PLXDC2: variants seen among roughly 807,000 people sequenced by gnomAD.
The protein encoded by PLXDC2 is plexin domain containing 2, also known as plexin domain-containing protein 2.
Under a neutral mutation model 68.9 loss-of-function variants are expected in PLXDC2, and 40 were observed. That is an observed-to-expected ratio of 0.58 (90% CI 0.45 to 0.76). The LOEUF (loss-of-function observed/expected upper bound fraction) is 0.76. Ranked by LOEUF, PLXDC2 falls within the 30% of genes least tolerant of loss-of-function variation. The pLI is 0.00. For missense variants in PLXDC2, 644 were observed against 661.9 expected (o/e 0.97, Z 0.30); for synonymous variants, 243 against 234.2 (o/e 1.04, Z -0.34).
At chr10:19,971,103 T>C (rs1264186357) in intron 1 of PLXDC2, among the ~76,000 whole-genome samples, 1 of 152,164 alleles carries the variant, frequency 6.6e-6, no homozygotes, top group Non-Finnish European at 1.5e-5. Flanking sequence ...TAATATAATA[T>C]ATGGTTAATT....
At chr10:19,849,042 C>T (rs143778587) in intron 1 of PLXDC2, among the ~76,000 whole-genome samples, 59 of 152,080 alleles carry the variant, frequency 3.9e-4, no homozygotes, top group African/African-American at 1.4e-3. Flanking sequence ...TTTTAAATTC[C>T]TTTATGACCC....
intron 1 of PLXDC2, among the ~76,000 whole-genome samples, chr10:19,891,818 A>G (rs1388052445): frequency 6.6e-6 from 1 of 152,246 alleles, no homozygotes; most frequent in African/African-American, 2.4e-5. Flanking sequence ...CAAATTCTCA[A>G]CAAAGCCAAA....
chr10:20,139,734 C>G (rs1047671465), intron 4 of PLXDC2, among the ~76,000 whole-genome samples: 1 of 151,880 alleles, frequency 6.6e-6, no homozygotes, highest in African/African-American at 2.4e-5. Flanking sequence ...AACCATCATT[C>G]TCAGCAAACT....
chr10:19,933,689 C>G (rs1339752778), intron 1 of PLXDC2, among the ~76,000 whole-genome samples: 1 of 151,786 alleles, frequency 6.6e-6, no homozygotes. Context: ...CGCGTGCACA[C>G]ACACACACAC....
At chr10:19,933,688 A>G (rs891190295) in intron 1 of PLXDC2, among the ~76,000 whole-genome samples, 1 of 151,976 alleles carries the variant, frequency 6.6e-6, no homozygotes, top group African/African-American at 2.4e-5. Context: ...ACGCGTGCAC[A>G]CACACACACA....
intron 3 of PLXDC2, among the ~76,000 whole-genome samples, chr10:20,059,368 T>TA (rs1281957906): frequency 6.6e-6 from 1 of 152,204 alleles, no homozygotes; most frequent in East Asian, 1.9e-4. Flanking sequence ...TGTAGTCATG[T>TA]GTTTGCTGGG....
chr10:20,194,321 T>C (rs2131841955), intron 9 of PLXDC2, among the ~76,000 whole-genome samples: 1 of 151,842 alleles, frequency 6.6e-6, no homozygotes, highest in South Asian at 2.1e-4. Flanking sequence ...ATAAAGTTTT[T>C]CCACTGAAAT....
intron 1 of PLXDC2, among the ~76,000 whole-genome samples, chr10:19,922,438 G>A (rs1046851310): frequency 6.6e-6 from 1 of 152,176 alleles, no homozygotes; most frequent in Admixed American, 6.5e-5. Context: ...TAAAGCACAG[G>A]TTCTGGGATC....
At chr10:19,949,381 T>G (rs963170887) in intron 1 of PLXDC2, among the ~76,000 whole-genome samples, 20 of 152,106 alleles carry the variant, frequency 1.3e-4, no homozygotes, top group Non-Finnish European at 5.9e-5. Context: ...TGCTCTGACA[T>G]GATCATTTTT....
intron 12 of PLXDC2, 131 bp from the exon 13 acceptor site, chr10:20,245,214 T>C (rs1588540131): frequency 1.1e-6 from 1 of 872,648 alleles, no homozygotes; most frequent in African/African-American, 1.7e-5. Context: ...GTAAAATTGA[T>C]GTTGCAGAAA....
chr10:19,820,782 A>G (rs879481589), intron 1 of PLXDC2, among the ~76,000 whole-genome samples: 30 of 151,616 alleles, frequency 2.0e-4, no homozygotes, highest in Middle Eastern at 3.2e-3. Flanking sequence ...TGGGATCTAA[A>G]GTCTTCAGCT....
intron 1 of PLXDC2, among the ~76,000 whole-genome samples, chr10:19,944,664 T>C (rs758455945): frequency 2.6e-5 from 4 of 152,040 alleles, no homozygotes; most frequent in Non-Finnish European, 5.9e-5. Context: ...AATAGAAGCA[T>C]TGGTGGCCGG....
intron 9 of PLXDC2, among the ~76,000 whole-genome samples, chr10:20,195,238 G>A (rs940200007): frequency 2.0e-5 from 3 of 152,040 alleles, no homozygotes; most frequent in Non-Finnish European, 4.4e-5. Context: ...AAGGGCTACC[G>A]CAGCCACTGA....
chr10:20,142,485 G>A (rs1183699704), intron 4 of PLXDC2, among the ~76,000 whole-genome samples: 1 of 152,050 alleles, frequency 6.6e-6, no homozygotes, highest in African/African-American at 2.4e-5. Context: ...AATTTGTCAT[G>A]GATAATCCAC....
At chr10:20,091,028 G>A (rs1248542982) in intron 4 of PLXDC2, among the ~76,000 whole-genome samples, 6 of 152,142 alleles carry the variant, frequency 3.9e-5, no homozygotes, top group Non-Finnish European at 7.3e-5. Flanking sequence ...CAGGATGAAT[G>A]TAGCTTTGTG....
At chr10:20,110,159 A>AG (rs1036012591) in intron 4 of PLXDC2, among the ~76,000 whole-genome samples, 1 of 152,206 alleles carries the variant, frequency 6.6e-6, no homozygotes, top group African/African-American at 2.4e-5. Context: ...GCTGGAGAGA[A>AG]GGTGAGATTT....
At chr10:20,064,450 G>A (rs1836165353) in intron 3 of PLXDC2, among the ~76,000 whole-genome samples, 1 of 152,000 alleles carries the variant, frequency 6.6e-6, no homozygotes, top group Non-Finnish European at 1.5e-5. Flanking sequence ...TCGATCTCCT[G>A]ACCTTGCGAT....
In PLXDC2 at chr10:20,198,534, C is replaced by T. The variant is rs117738617; in HGVS notation, c.1062-13135C>T. Among the ~76,000 whole-genome samples the T allele has an allele frequency of 9.1e-3, 1,388 of 152,168 alleles. 9 individuals are homozygous for T. The highest frequency in any genetic ancestry group is 0.012 in the Non-Finnish European group (786 of 68,010). ...CAAGAGAAATGTCTTCAACTTTTAA[C>T]TCTTAGTTATCTACAATTTCCACCT... On this transcript the variant is annotated intron_variant, in intron 9 of 13. Transcript: ENST00000377252.
chr10:19,965,737 A>G (rs1834236971), intron 1 of PLXDC2, among the ~76,000 whole-genome samples: 1 of 151,452 alleles, frequency 6.6e-6, no homozygotes, highest in South Asian at 2.1e-4. Flanking sequence ...GGGTTACATA[A>G]TTCAATGAAA....
Sources: gnomAD v4.1 joint callset for allele counts (sites outside exome capture counted in the v4.1 genomes callset) on GRCh38, gnomAD v4.1.1 for gene constraint, MANE v1.5 for transcripts, NCBI Gene and HGNC (gene_info 2026-07-23, HGNC 2026-07-21) for gene names.